The following AJAP1 variants were observed in gnomAD, a reference collection of about 807,000 sequenced individuals.
AJAP1 encodes the protein adherens junctions associated protein 1.
Under a neutral mutation model 35.0 loss-of-function variants are expected in AJAP1, and 5 were observed. The observed-to-expected ratio is 0.14, with a 90% CI of 0.07 to 0.30. The LOEUF (loss-of-function observed/expected upper bound fraction) is 0.30. Among genes scored for constraint, AJAP1 ranks in the 10% least tolerant of loss-of-function variants. AJAP1 has a pLI of 1.00. For missense variants in AJAP1, 586 were observed against 571.0 expected, an observed-to-expected ratio of 1.03 and a Z score of -0.27; for synonymous variants, 284 against 249.3, an observed-to-expected ratio of 1.14 and a Z score of -1.31.
intron 2 of AJAP1, among the ~76,000 whole-genome samples, chr1:4,747,413 G>A (rs1002963005): frequency 6.6e-6 from 1 of 152,176 alleles, no homozygotes; most frequent in Non-Finnish European, 1.5e-5. Context: ...CTTGCAGACC[G>A]GGTTGGCCAG....
At chr1:4,689,706 A>G (rs976161292) in intron 1 of AJAP1, among the ~76,000 whole-genome samples, 2 of 152,240 alleles carry the variant, frequency 1.3e-5, no homozygotes, top group Non-Finnish European at 2.9e-5. Context: ...AGTCATGAGC[A>G]TCCGGCATGA....
At chr1:4,744,650 C>T (rs1182463157) in intron 2 of AJAP1, among the ~76,000 whole-genome samples, 1 of 145,964 alleles carries the variant, frequency 6.9e-6, no homozygotes, top group Admixed American at 6.8e-5. Flanking sequence ...CACACACACA[C>T]ACATTCATGC....
chr1:4,722,886 G>T (rs1468511242), intron 2 of AJAP1, among the ~76,000 whole-genome samples: 1 of 152,210 alleles, frequency 6.6e-6, no homozygotes, highest in Non-Finnish European at 1.5e-5. Context: ...AGGGCATTGG[G>T]CTGGGGCAAG....
Position 4,721,961 on chromosome 1 carries a change from G to A in AJAP1, c.829+9262G>A, listed in dbSNP as rs560082514. On this transcript the variant is annotated intron_variant, in intron 2 of 5. Transcript: ENST00000378191. ...CAGCCCATCTTCACTGGAGGGGTCC[G>A]GTGCTTACGTGCATATATACAGCAT... Among the ~76,000 whole-genome samples, 7 of 152,230 alleles carry A rather than the reference G, an allele frequency of 4.6e-5. No homozygotes were observed. The South Asian group carries it at 1.0e-3, about 23-fold the overall frequency.
chr1:4,759,590 C>A (rs1007461366), intron 2 of AJAP1, among the ~76,000 whole-genome samples: 1 of 152,156 alleles, frequency 6.6e-6, no homozygotes, highest in Non-Finnish European at 1.5e-5. Context: ...TGAGGACCTT[C>A]TGTACGGGGG....
chr1:4,747,514 C>G (rs921656050), intron 2 of AJAP1, among the ~76,000 whole-genome samples: 1 of 152,210 alleles, frequency 6.6e-6, no homozygotes, highest in East Asian at 1.9e-4. Flanking sequence ...TGTGCCGCCC[C>G]CTTCCCTCCT....
chr1:4,704,894 T>G (rs1386208414), intron 1 of AJAP1, among the ~76,000 whole-genome samples: 1 of 152,278 alleles, frequency 6.6e-6, no homozygotes, highest in Non-Finnish European at 1.5e-5. Flanking sequence ...GATTTGCATT[T>G]CTCTGATGGC....
At chr1:4,662,703 G>A (rs1047900326) in intron 1 of AJAP1, among the ~76,000 whole-genome samples, 9 of 152,228 alleles carry the variant, frequency 5.9e-5, no homozygotes, top group African/African-American at 2.2e-4. Context: ...CCAGCTCTGG[G>A]GTGGGATAGG....
rs1642252144 is a variant in AJAP1, at chr1:4,791,794, G to GT, written c.*9309_*9310insT. 6.6e-6 allele frequency: 1 copy of GT among 152,156 alleles called. No individual in the cohort carries two copies. The highest frequency in any genetic ancestry group is 1.5e-5 in the Non-Finnish European group (1 of 68,036). The allele number at this position is 152,156 out of a possible 1,614,324, so 9.4% of individuals were successfully genotyped here. ...GAGTCACAGATCTGAGAAATAGAAGGACCAGGTCCGTGTGGATGCTCCTAG... is the reference window on the plus strand; with the variant it reads ...GAGTCACAGATCTGAGAAATAGAAGGTACCAGGTCCGTGTGGATGCTCCTAG... On this transcript the variant is annotated 3_prime_UTR_variant, in exon 6 of 6. Coordinates refer to ENST00000378191, the MANE Select transcript of AJAP1 (RefSeq NM_018836.4).
At position 4,711,914 on chromosome 1, in the gene AJAP1, G is replaced by T. The variant is rs757356256; in HGVS notation, c.44G>T (p.Arg15Leu). The change falls in exon 2 of 6, where the codon CGC becomes CTC. Residue 15 changes from arginine to leucine, a missense_variant. Transcript: ENST00000378191. ...CCCCCGCACAGCTCCATGTCCATCC[G>T]CTGGCCGGGCCGCCCCCTCGGAAGC... ...QLLGLSSMSI[R>L]WPGRPLGSHA... 2 of 1,504,822 alleles carry T rather than the reference G, an allele frequency of 1.3e-6. No individual in the cohort carries two copies. The highest frequency in any genetic ancestry group is 1.3e-5 in the South Asian group (1 of 74,894). The allele number at this position is 1,504,822 out of a possible 1,614,324, so 93.2% of individuals were successfully genotyped here. A position where few individuals can be genotyped will look rare whatever the true frequency, so the allele number is the denominator to read the frequency against.
In AJAP1 at chr1:4,769,980, C is replaced by A. The variant is rs775228816; in HGVS notation, c.917+40C>A. On this transcript the variant is annotated intron_variant, in intron 3 of 5. Coordinates refer to ENST00000378191, the MANE Select transcript of AJAP1 (RefSeq NM_018836.4). ...GCCCTTCTGGCCCAGAAATGGGGGA[C>A]TACCGGGGTCCCTGGGTGGTGAATA... The A allele has an allele frequency of 2.5e-5, 38 of 1,539,502 alleles. No homozygotes were observed. The Middle Eastern group carries it at 5.1e-4, about 21-fold the overall frequency.
At chr1:4,662,389 G>T (rs1639018512) in intron 1 of AJAP1, among the ~76,000 whole-genome samples, 1 of 152,144 alleles carries the variant, frequency 6.6e-6, no homozygotes. Flanking sequence ...GTTCTGAGGT[G>T]TGTCTACGCA....
intron 2 of AJAP1, among the ~76,000 whole-genome samples, chr1:4,765,149 G>A (rs1046410338): frequency 7.9e-5 from 12 of 152,200 alleles, no homozygotes; most frequent in Non-Finnish European, 1.5e-5. Context: ...TCAGGAAGGG[G>A]AAGCAAGAAT....
At chr1:4,739,160 T>G (rs1279546773) in intron 2 of AJAP1, among the ~76,000 whole-genome samples, 1 of 151,940 alleles carries the variant, frequency 6.6e-6, no homozygotes, top group African/African-American at 2.4e-5. Flanking sequence ...TGTGGGAGAG[T>G]CTTCTCGTCC....
At chr1:4,715,732 G>T (rs1292880479) in intron 2 of AJAP1, among the ~76,000 whole-genome samples, 3 of 152,224 alleles carry the variant, frequency 2.0e-5, no homozygotes, top group Non-Finnish European at 4.4e-5. Context: ...TGAGAGTTTA[G>T]TGGATGAACA....
chr1:4,767,669 A>G (rs1641717340), intron 2 of AJAP1, among the ~76,000 whole-genome samples: 1 of 151,960 alleles, frequency 6.6e-6, no homozygotes, highest in African/African-American at 2.4e-5. Flanking sequence ...CATCACTATT[A>G]TCATCACCAT....
intron 1 of AJAP1, among the ~76,000 whole-genome samples, chr1:4,690,373 T>A (rs956645846): frequency 6.6e-5 from 10 of 152,110 alleles, no homozygotes; most frequent in Non-Finnish European, 1.0e-4. Context: ...TTGTGTGACC[T>A]CTTGTTTCAA....
intron 2 of AJAP1, among the ~76,000 whole-genome samples, chr1:4,729,794 G>A (rs1356023471): frequency 6.6e-6 from 1 of 152,180 alleles, no homozygotes; most frequent in East Asian, 1.9e-4. Context: ...TCATTTGGGG[G>A]TGCATAATTC....
intron 2 of AJAP1, among the ~76,000 whole-genome samples, chr1:4,752,983 T>A (rs371417638): frequency 3.0e-4 from 46 of 152,346 alleles, no homozygotes; most frequent in African/African-American, 1.1e-3. Context: ...ATGCCTTTGT[T>A]CTGGACTGTC....
Sources: gnomAD v4.1 joint callset for allele counts (sites outside exome capture counted in the v4.1 genomes callset) on GRCh38, gnomAD v4.1.1 for gene constraint, MANE v1.5 for transcripts, NCBI Gene and HGNC (gene_info 2026-07-23, HGNC 2026-07-21) for gene names.